Variants in TRIM67 observed in about 807,000 individuals in gnomAD.
The protein encoded by TRIM67 is tripartite motif containing 67, also known as tripartite motif-containing protein 67.
Under a neutral mutation model 71.0 loss-of-function variants are expected in TRIM67, and 39 were observed. The observed-to-expected ratio is 0.55, with a 90% CI of 0.43 to 0.72. The LOEUF is 0.72. Among genes scored for constraint, TRIM67 ranks in the 30% least tolerant of loss-of-function variants. The pLI, the probability that TRIM67 is intolerant of heterozygous loss-of-function variation, is 0.00. For missense variants in TRIM67, 973 were observed against 1,079.2 expected (o/e 0.90, Z 1.38); for synonymous variants, 481 against 473.9 (o/e 1.01, Z -0.19).
chr1:231,211,959 T>C (rs964901240), intron 8 of TRIM67, among the ~76,000 whole-genome samples: 1 of 152,168 alleles, frequency 6.6e-6, no homozygotes, highest in Admixed American at 6.5e-5. Context: ...TGTAGTCCTG[T>C]TGTACCTAGG....
At chr1:231,211,946 G>A (rs1683884232) in intron 8 of TRIM67, among the ~76,000 whole-genome samples, 1 of 152,164 alleles carries the variant, frequency 6.6e-6, no homozygotes, top group African/African-American at 2.4e-5. Flanking sequence ...CATGGTGTGT[G>A]CCTGTAGTCC....
intron 1 of TRIM67, chr1:231,186,040 A>G (rs1461533052): frequency 5.9e-6 from 9 of 1,512,990 alleles, no homozygotes; most frequent in Non-Finnish European, 7.1e-6. Context: ...TTTCCCAGGG[A>G]AAAAGAAGGG....
chr1:231,200,444 T>G (rs1683488662), intron 4 of TRIM67, among the ~76,000 whole-genome samples, 186 bp downstream of exon 4: 1 of 152,244 alleles, frequency 6.6e-6, no homozygotes. Flanking sequence ...GACCTAATTT[T>G]GCAGCATGCA....
intron 1 of TRIM67, among the ~76,000 whole-genome samples, chr1:231,166,532 G>A (rs1682469564): frequency 9.9e-6 from 1 of 100,962 alleles, no homozygotes; most frequent in Non-Finnish European, 2.0e-5. Flanking sequence ...AGTAAAACAT[G>A]AAGTCTCTGG....
At chr1:231,214,824 A>G (rs373075078) in intron 9 of TRIM67, among the ~76,000 whole-genome samples, 16 of 150,340 alleles carry the variant, frequency 1.1e-4, no homozygotes, top group African/African-American at 3.7e-4. Context: ...GCTTGGCCTG[A>G]CATGGTGGCT....
chr1:231,177,706 G>A (rs2102722650), intron 1 of TRIM67, among the ~76,000 whole-genome samples: 1 of 152,278 alleles, frequency 6.6e-6, no homozygotes, highest in South Asian at 2.1e-4. Context: ...CCATCAATGT[G>A]TCTTGCAGCT....
In TRIM67 at chr1:231,220,417, C is replaced by A. The variant is rs1684113950; in HGVS notation, c.*4977C>A. On this transcript the variant is annotated 3_prime_UTR_variant, in exon 10 of 10. Coordinates refer to ENST00000366653, the MANE Select transcript of TRIM67 (RefSeq NM_001004342.5). ...CCTCAAGGCCTCTGTGAGCAGAAGC[C>A]CCTTTAAACCAAGGAAGGACACTAA... The A allele has an allele frequency of 6.4e-6, 1 of 155,610 alleles. No homozygotes were observed. Among genetic ancestry groups the A allele is most frequent in the Admixed American group, 6.3e-5 (1 of 15,892 alleles). The allele number at this position is 155,610 out of a possible 1,614,324, so 9.6% of individuals were successfully genotyped here.
Position 231,220,827 on chromosome 1 carries a change from C to T in TRIM67, c.*5387C>T, listed in dbSNP as rs1293225450. ...ACAGTCCTGGGAAAGGCCTAGGGAC[C>T]TGTGGGCCGGTGATGCGGGCACTGC... On this transcript the variant is annotated 3_prime_UTR_variant, in exon 10 of 10. Coordinates refer to ENST00000366653, the MANE Select transcript of TRIM67 (RefSeq NM_001004342.5). The T allele has an allele frequency of 6.6e-6, 1 of 152,298 alleles. No individual in the cohort carries two copies. The highest frequency in any genetic ancestry group is 1.5e-5 in the Non-Finnish European group (1 of 68,104). 9.4% of individuals were successfully genotyped at this position (152,298 alleles called of 1,614,324 possible). A position where few individuals can be genotyped will look rare whatever the true frequency, so the allele number is the denominator to read the frequency against.
chr1:231,184,081 A>C (rs1440860903), intron 1 of TRIM67: 1 of 152,248 alleles, frequency 6.6e-6, no homozygotes, highest in Non-Finnish European at 1.5e-5. Flanking sequence ...GGTGTTAACG[A>C]ATCCACTGAA....
chr1:231,168,632 G>A (rs966258235), intron 1 of TRIM67, among the ~76,000 whole-genome samples: 2 of 152,146 alleles, frequency 1.3e-5, no homozygotes, highest in Admixed American at 6.5e-5. Flanking sequence ...AGTAATTATT[G>A]TTTGCTATTT....
At chr1:231,192,811 T>C (rs1683268663) in intron 1 of TRIM67, among the ~76,000 whole-genome samples, 1 of 152,168 alleles carries the variant, frequency 6.6e-6, no homozygotes, top group African/African-American at 2.4e-5. Flanking sequence ...CAAAAAGCAG[T>C]GGAGGGAAAA....
intron 5 of TRIM67, among the ~76,000 whole-genome samples, chr1:231,202,168 T>TGGAGGA (rs796699897): frequency 0.017 from 75 of 4,292 alleles, no homozygotes; most frequent in Admixed American, 0.03. Flanking sequence ...GAGGAGGTAG[T>TGGAGGA]GGAGGAGGAG....
rs943668876 is a variant in TRIM67 at position 231,198,464 on chromosome 1, G to A, written c.1141-583G>A. 5.3e-5 allele frequency among the ~76,000 whole-genome samples: 8 copies of A among 152,180 alleles called. No individual in the cohort carries two copies. The East Asian group carries it at 5.8e-4, about 11-fold the overall frequency. The stretch of plus-strand genomic sequence containing the variant: ...TGCAATGGCACGATCTCAGCTCACC[G>A]CAACCTCCGCCTCCCAGGTTCAAGC... On this transcript the variant is annotated intron_variant, in intron 2 of 9. Coordinates refer to ENST00000366653, the MANE Select transcript of TRIM67 (RefSeq NM_001004342.5).
At chr1:231,187,340 C>T (rs76577070) in intron 1 of TRIM67, among the ~76,000 whole-genome samples, 2,378 of 152,258 alleles carry the variant, frequency 0.016, 23 homozygotes, top group Non-Finnish European at 0.026. Context: ...GTGCCTCCCT[C>T]AGGTGGTGCT....
intron 1 of TRIM67, among the ~76,000 whole-genome samples, chr1:231,177,946 G>T (rs1157170857): frequency 6.6e-6 from 1 of 152,322 alleles, no homozygotes; most frequent in Non-Finnish European, 1.5e-5. Context: ...CATAAAGTAT[G>T]ATTTCAGAGC....
At chr1:231,206,127 A>G (rs34891528) in intron 6 of TRIM67, among the ~76,000 whole-genome samples, 1 of 150,532 alleles carries the variant, frequency 6.6e-6, no homozygotes, top group Non-Finnish European at 1.5e-5. Context: ...TTTGGTAAGA[A>G]TTTTTTTTTT....
Position 231,209,304 on chromosome 1 carries a change from G to C in TRIM67, c.2123+54G>C, listed in dbSNP as rs528269999. ...TGGACACAGGTTGTTTGGGAATGAG[G>C]GTCCTGAAGACCAGTGTCCCTTCTG... On this transcript the variant is annotated intron_variant, in intron 8 of 9. Transcript: ENST00000366653. The surrounding 1 kb of genome is among the most constrained non-coding windows in gnomAD (Gnocchi z 4.1). 14 of 1,476,900 alleles carry C rather than the reference G, an allele frequency of 9.5e-6. No homozygotes were observed. The Admixed American group carries it at 3.4e-4, about 36-fold the overall frequency. 91.5% of individuals were successfully genotyped at this position (1,476,900 alleles called of 1,614,324 possible).
rs1682303873 is a variant in TRIM67, at chr1:231,162,212, A to C, written c.-758A>C. 6.6e-6 allele frequency: 1 copy of C among 152,210 alleles called. No homozygotes were observed. The highest frequency in any genetic ancestry group is 1.5e-5 in the Non-Finnish European group (1 of 68,084). 9.4% of individuals were successfully genotyped at this position (152,210 alleles called of 1,614,324 possible). Reference sequence around the variant, plus strand: ...GGCGCCGCAGGAGCAGCAGCTGGGAACCAGGGAAGCGGGTCAATCCCGGCC... The same window carrying C: ...GGCGCCGCAGGAGCAGCAGCTGGGACCCAGGGAAGCGGGTCAATCCCGGCC... On this transcript the variant is annotated 5_prime_UTR_variant, in exon 1 of 10. Coordinates refer to ENST00000366653, the MANE Select transcript of TRIM67 (RefSeq NM_001004342.5).
intron 1 of TRIM67, among the ~76,000 whole-genome samples, chr1:231,191,599 C>T (rs1294643811): frequency 1.3e-5 from 2 of 152,190 alleles, no homozygotes; most frequent in East Asian, 1.9e-4. Context: ...CATCAGAAGC[C>T]TCATCCAGTG....
Sources: allele counts gnomAD v4.1 joint callset (sites outside exome capture counted in the v4.1 genomes callset), GRCh38; gene constraint gnomAD v4.1.1; non-coding constraint Gnocchi (gnomAD v3.1); transcripts MANE v1.5; gene names NCBI Gene and HGNC (gene_info 2026-07-23, HGNC 2026-07-21).